Variants in ADRA1B observed in about 807,000 individuals in gnomAD.
ADRA1B encodes adrenoceptor alpha 1B, also known as alpha-1B adrenergic receptor.
In ADRA1B, 17 loss-of-function variants were observed where a neutral mutation model predicts 17.9. The observed-to-expected ratio is 0.95, with a 90% CI of 0.65 to 1.42. The LOEUF (loss-of-function observed/expected upper bound fraction) is 1.42, where lower values mean the gene tolerates loss of function less well. Among genes scored for constraint, ADRA1B ranks in the 40% most tolerant of loss-of-function variants. The pLI is 0.00. For synonymous variants in ADRA1B, 366 were observed against 327.6 expected (o/e 1.12, Z -1.27); for missense variants, 681 against 722.1 (o/e 0.94, Z 0.65).
chr5:159,883,922 G>A (rs1305079764), intron 1 of ADRA1B, among the ~76,000 whole-genome samples: 2 of 152,162 alleles, frequency 1.3e-5, no homozygotes, highest in African/African-American at 4.8e-5. Context: ...TCTACACTAT[G>A]AGGCAATAGG....
intron 1 of ADRA1B, among the ~76,000 whole-genome samples, chr5:159,887,082 G>A (rs1753933146): frequency 6.6e-6 from 1 of 152,098 alleles, no homozygotes; most frequent in South Asian, 2.1e-4. Flanking sequence ...ACTCAAGACA[G>A]GTGTCAGACT....
At chr5:159,888,563 T>A (rs2113099542) in intron 1 of ADRA1B, 1 of 152,258 alleles carries the variant, frequency 6.6e-6, no homozygotes, top group South Asian at 2.1e-4. Context: ...AGAGGGAATT[T>A]AATCCTAAAA....
At chr5:159,908,514 C>A (rs1246530708) in intron 1 of ADRA1B, among the ~76,000 whole-genome samples, 3 of 152,064 alleles carry the variant, frequency 2.0e-5, no homozygotes, top group Non-Finnish European at 4.4e-5. Context: ...CCTCTTTCTT[C>A]CTCTTTCCCC....
intron 1 of ADRA1B, among the ~76,000 whole-genome samples, chr5:159,965,064 C>T (rs928401935): frequency 5.3e-5 from 8 of 151,974 alleles, no homozygotes; most frequent in Non-Finnish European, 1.5e-5. Context: ...CCCAGATCTA[C>T]CTACCTGTGA....
At chr5:159,878,149 A>G (rs2113082386) in intron 1 of ADRA1B, among the ~76,000 whole-genome samples, 1 of 152,332 alleles carries the variant, frequency 6.6e-6, no homozygotes, top group South Asian at 2.1e-4. Context: ...CCGGGACGCC[A>G]GGCCCAGCAG....
At chr5:159,870,678 C>T (rs1233307434) in intron 1 of ADRA1B, 1 of 152,150 alleles carries the variant, frequency 6.6e-6, no homozygotes, top group Non-Finnish European at 1.5e-5. Context: ...GAAAAAGTGG[C>T]ATGTTAAAGT....
downstream of ADRA1B, among the ~76,000 whole-genome samples, chr5:159,975,337 A>G (rs571442178): frequency 6.6e-6 from 1 of 152,274 alleles, no homozygotes; most frequent in African/African-American, 2.4e-5. Context: ...TGGAATTTGG[A>G]GTCAGTAGGG....
At chr5:159,948,352 G>A (rs746034551) in intron 1 of ADRA1B, 21 of 985,130 alleles carry the variant, frequency 2.1e-5, no homozygotes, top group Non-Finnish European at 2.5e-5. Context: ...ATCTCAACAA[G>A]GAAAGAAAAT....
At chr5:159,910,171 G>A (rs1188769595) in intron 1 of ADRA1B, among the ~76,000 whole-genome samples, 1 of 152,136 alleles carries the variant, frequency 6.6e-6, no homozygotes, top group African/African-American at 2.4e-5. Flanking sequence ...TTACGAGCCA[G>A]CTCCCAGCCT....
At chr5:159,876,284 G>A (rs1043582626) in intron 1 of ADRA1B, among the ~76,000 whole-genome samples, 6 of 152,192 alleles carry the variant, frequency 3.9e-5, no homozygotes, top group African/African-American at 1.4e-4. Context: ...ACAATGTCAA[G>A]GCTCTGCATC....
chr5:159,941,668 A>G, intron 1 of ADRA1B, among the ~76,000 whole-genome samples: 1 of 152,232 alleles, frequency 6.6e-6, no homozygotes, highest in South Asian at 2.1e-4. Context: ...AATGTGGTAT[A>G]TCCATACAAT....
At chr5:159,933,327 T>C (rs1043707428) in intron 1 of ADRA1B, among the ~76,000 whole-genome samples, 3 of 152,210 alleles carry the variant, frequency 2.0e-5, no homozygotes, top group Non-Finnish European at 2.9e-5. Flanking sequence ...TGGGATAAAG[T>C]CCACTTTGAA....
At chr5:159,927,407 A>ACACACACACACACACACACACC (rs1754689122) in intron 1 of ADRA1B, among the ~76,000 whole-genome samples, 1 of 151,874 alleles carries the variant, frequency 6.6e-6, no homozygotes, top group Non-Finnish European at 1.5e-5. Flanking sequence ...ACACACACAC[A>ACACACACACACACACACACACC]CACACACGTA....
At chr5:159,877,345 A>G (rs1258662146) in intron 1 of ADRA1B, among the ~76,000 whole-genome samples, 3 of 152,112 alleles carry the variant, frequency 2.0e-5, no homozygotes. Flanking sequence ...CTCCCACTGC[A>G]CCAGATGGGA....
At chr5:159,943,440 C>T (rs1021120606) in intron 1 of ADRA1B, among the ~76,000 whole-genome samples, 9 of 152,074 alleles carry the variant, frequency 5.9e-5, no homozygotes, top group Admixed American at 5.9e-4. Flanking sequence ...AAAGTAAACC[C>T]ACGGGGCCAG....
chr5:159,933,812 A>G (rs1581045616), intron 1 of ADRA1B, among the ~76,000 whole-genome samples: 1 of 152,254 alleles, frequency 6.6e-6, no homozygotes, highest in Admixed American at 6.5e-5. Flanking sequence ...ATTTAAAACC[A>G]TAACAAAATA....
At chr5:159,981,175 G>T in the ADRA1B span, among the ~76,000 whole-genome samples, 1 of 152,170 alleles carries the variant, frequency 6.6e-6, no homozygotes, top group Non-Finnish European at 1.5e-5. Flanking sequence ...TACAGACATA[G>T]ATCAAGATTT....
chr5:159,915,038 G>A (rs1754267565), upstream of ADRA1B, among the ~76,000 whole-genome samples: 5 of 152,222 alleles, frequency 3.3e-5, no homozygotes, highest in South Asian at 1.0e-3. Context: ...CAAAGAAACT[G>A]AGTAAATGCA....
rs1179878881 is a variant in ADRA1B at position 159,939,302 on chromosome 5, T to A, written c.949+21448T>A. The stretch of plus-strand genomic sequence containing the variant: ...GAGTGTGTGTGTGTGTGTGTGTGTG[T>A]GTGTGTGTGTGTGTGTGTGTGCGCG... On this transcript the variant is annotated intron_variant, in intron 1 of 1. Transcript: ENST00000306675. Among the ~76,000 whole-genome samples, 460 of 143,430 alleles carry A rather than the reference T, an allele frequency of 3.2e-3. 6 individuals carry two copies. The highest frequency in any genetic ancestry group is 0.011 in the African/African-American group (429 of 39,528). The allele number at this position is 143,430 out of a possible 152,430, so 94.1% of individuals were successfully genotyped here. A position where few individuals can be genotyped will look rare whatever the true frequency, so the allele number is the denominator to read the frequency against.
Sources: gnomAD v4.1 joint callset for allele counts (sites outside exome capture counted in the v4.1 genomes callset) on GRCh38, gnomAD v4.1.1 for gene constraint, MANE v1.5 for transcripts, NCBI Gene and HGNC (gene_info 2026-07-23, HGNC 2026-07-21) for gene names.